HTR1F: variants seen among roughly 807,000 people sequenced by gnomAD.
The protein encoded by HTR1F is 5-hydroxytryptamine (serotonin) receptor 1F, G protein-coupled.
In HTR1F, 17 loss-of-function variants were observed where a neutral mutation model predicts 24.0. The ratio of observed to expected loss-of-function variants is 0.71; its 90% confidence interval spans 0.48 to 1.06. The LOEUF is 1.06. Among genes scored for constraint, HTR1F ranks in the 50% least tolerant of loss-of-function variants. The probability of loss-of-function intolerance (pLI) is 0.00; values close to 1 mark genes in which losing one functional copy is unlikely to be tolerated. For missense variants in HTR1F, 391 were observed against 427.8 expected (o/e 0.91, Z 0.76); for synonymous variants, 186 against 156.8 (o/e 1.19, Z -1.39).
intron 2 of HTR1F, among the ~76,000 whole-genome samples, chr3:87,917,084 G>T (rs1392689567): frequency 6.6e-6 from 1 of 151,728 alleles, no homozygotes; most frequent in Admixed American, 6.6e-5. Flanking sequence ...GCAAATACAT[G>T]GAAATTAAAT....
At chr3:87,954,237 T>A (rs1704896496) in intron 2 of HTR1F, among the ~76,000 whole-genome samples, 1 of 151,858 alleles carries the variant, frequency 6.6e-6, no homozygotes, top group Admixed American at 6.6e-5. Context: ...TTTGAGGTGA[T>A]GTATATCCTA....
chr3:87,966,932 C>T (rs1479373516), intron 2 of HTR1F, among the ~76,000 whole-genome samples: 2 of 152,012 alleles, frequency 1.3e-5, no homozygotes, highest in Non-Finnish European at 2.9e-5. Context: ...TATACTCCAA[C>T]TTTATACTCT....
intron 2 of HTR1F, among the ~76,000 whole-genome samples, chr3:87,932,141 A>T (rs1427017179): frequency 6.6e-6 from 1 of 152,022 alleles, no homozygotes; most frequent in Admixed American, 6.6e-5. Context: ...CTGAATGGTA[A>T]TGCCTAGGTT....
chr3:87,988,923 C>T (rs550963765), intron 2 of HTR1F, among the ~76,000 whole-genome samples: 1 of 152,084 alleles, frequency 6.6e-6, no homozygotes, highest in African/African-American at 2.4e-5. Context: ...TGTATGATTA[C>T]TCATATTCTT....
intron 2 of HTR1F, among the ~76,000 whole-genome samples, chr3:87,942,509 TCTGA>T (rs55966101): frequency 0.11 from 17,045 of 152,142 alleles, 1,168 homozygotes; most frequent in Non-Finnish European, 0.16. Flanking sequence ...GTTAGTGGCT[TCTGA>T]CTCAGAGGAC....
chr3:87,813,967 T>G (rs1286108324), intron 1 of HTR1F, among the ~76,000 whole-genome samples: 1 of 152,196 alleles, frequency 6.6e-6, no homozygotes, highest in Non-Finnish European at 1.5e-5. Context: ...GTGCAGATTT[T>G]TACAGCAGTG....
chr3:87,880,525 T>C (rs1705768553), intron 2 of HTR1F, among the ~76,000 whole-genome samples: 1 of 152,188 alleles, frequency 6.6e-6, no homozygotes, highest in Non-Finnish European at 1.5e-5. Flanking sequence ...ACTGGATTAC[T>C]CTATTTACAG....
intron 2 of HTR1F, among the ~76,000 whole-genome samples, chr3:87,954,529 C>T (rs930766388): frequency 6.6e-6 from 1 of 151,486 alleles, no homozygotes; most frequent in Non-Finnish European, 1.5e-5. Context: ...TTATGAACTT[C>T]AACAATGTAA....
intron 2 of HTR1F, among the ~76,000 whole-genome samples, chr3:87,831,357 T>TATC (rs1704575089): frequency 6.8e-6 from 1 of 147,566 alleles, no homozygotes; most frequent in African/African-American, 2.5e-5. Flanking sequence ...TTATTATTAT[T>TATC]ATTATTATTA....
chr3:87,885,376 C>T (rs1473843979), intron 2 of HTR1F, among the ~76,000 whole-genome samples: 4 of 152,012 alleles, frequency 2.6e-5, no homozygotes, highest in Non-Finnish European at 5.9e-5. Flanking sequence ...ACTAAATGCC[C>T]ACAAGAGAAA....
At position 87,846,909 on chromosome 3, in the gene HTR1F, A is replaced by T. The variant is rs1172975667; in HGVS notation, c.-43+24785A>T. Among the ~76,000 whole-genome samples the T allele has an allele frequency of 3.3e-5, 5 of 151,976 alleles. No individual in the cohort carries two copies. The East Asian group carries it at 9.6e-4, about 29-fold the overall frequency. ...GTGAAATGTTGCTTTATGGTCAATT[A>T]CCCTTAATTAGCTTTAATTAAAATT... On this transcript the variant is annotated intron_variant, in intron 2 of 2. Coordinates refer to ENST00000319595, the MANE Select transcript of HTR1F (RefSeq NM_001322209.2).
intron 2 of HTR1F, among the ~76,000 whole-genome samples, chr3:87,881,562 T>C (rs1705800755): frequency 6.6e-6 from 1 of 152,124 alleles, no homozygotes; most frequent in Non-Finnish European, 1.5e-5. Context: ...TCCGCATATC[T>C]ACAACTATCT....
At chr3:87,839,330 C>T (rs1043947425) in intron 2 of HTR1F, among the ~76,000 whole-genome samples, 1 of 152,010 alleles carries the variant, frequency 6.6e-6, no homozygotes, top group Non-Finnish European at 1.5e-5. Flanking sequence ...AAAAGACTTC[C>T]CTTTTCTCAG....
At chr3:87,962,196 C>A (rs1705077005) in intron 2 of HTR1F, among the ~76,000 whole-genome samples, 1 of 151,914 alleles carries the variant, frequency 6.6e-6, no homozygotes, top group African/African-American at 2.4e-5. Context: ...TTAGGACCAG[C>A]CTGAGAATTC....
chr3:87,945,223 G>A (rs1290988685), intron 2 of HTR1F, among the ~76,000 whole-genome samples: 1 of 151,936 alleles, frequency 6.6e-6, no homozygotes, highest in Non-Finnish European at 1.5e-5. Flanking sequence ...AACTGCCCAT[G>A]TCGAGAGCTG....
At chr3:87,867,892 A>C (rs1191191645) in intron 2 of HTR1F, among the ~76,000 whole-genome samples, 2 of 152,192 alleles carry the variant, frequency 1.3e-5, no homozygotes, top group East Asian at 3.9e-4. Flanking sequence ...TTGTTGTCTA[A>C]ATCATTAATT....
intron 2 of HTR1F, among the ~76,000 whole-genome samples, chr3:87,913,374 A>G (rs1379931158): frequency 3.3e-5 from 5 of 152,150 alleles, no homozygotes; most frequent in African/African-American, 1.2e-4. Flanking sequence ...TGCAAATCAA[A>G]AGCACCATGA....
chr3:87,866,835 TGTGTGTGTGTGC>T (rs1254163092), intron 2 of HTR1F, among the ~76,000 whole-genome samples: 3 of 150,304 alleles, frequency 2.0e-5, no homozygotes, highest in Non-Finnish European at 2.9e-5. Context: ...TGTGTGTGTG[TGTGTGTGTGTGC>T]GTGTGTGTGT....
chr3:87,866,590 A>T (rs1161265263), intron 2 of HTR1F, among the ~76,000 whole-genome samples: 1 of 148,960 alleles, frequency 6.7e-6, no homozygotes, highest in Non-Finnish European at 1.5e-5. Context: ...GCAGTTTGCT[A>T]GTTTGATTAC....
Sources: gnomAD v4.1 joint callset for allele counts (sites outside exome capture counted in the v4.1 genomes callset) on GRCh38, gnomAD v4.1.1 for gene constraint, MANE v1.5 for transcripts, NCBI Gene and HGNC (gene_info 2026-07-23, HGNC 2026-07-21) for gene names.